CNTNAP2: variants seen among roughly 807,000 people sequenced by gnomAD.
CNTNAP2 encodes contactin associated protein 2.
CNTNAP2 carries 98 observed loss-of-function variants against 155.2 expected under a neutral mutation model. The ratio of observed to expected loss-of-function variants is 0.63; its 90% CI spans 0.54 to 0.75. CNTNAP2 has a LOEUF of 0.75. Ranked by LOEUF, CNTNAP2 falls within the 30% of genes least tolerant of loss-of-function variation. The pLI is 0.00. For synonymous variants in CNTNAP2, 651 were observed against 631.2 expected (o/e 1.03, Z -0.47); for missense variants, 1,727 against 1,688.1 (o/e 1.02, Z -0.40).
At chr7:146,516,614 A>G (rs1797545524) in intron 1 of CNTNAP2, among the ~76,000 whole-genome samples, 1 of 151,924 alleles carries the variant, frequency 6.6e-6, no homozygotes, top group South Asian at 2.1e-4. Context: ...TCTGTAATCT[A>G]TACGACTATT....
chr7:146,465,180 G>C (rs1415096224), intron 1 of CNTNAP2, among the ~76,000 whole-genome samples: 1 of 152,038 alleles, frequency 6.6e-6, no homozygotes, highest in Non-Finnish European at 1.5e-5. Flanking sequence ...GTGTTTTCTA[G>C]TGCAAGATGT....
chr7:147,523,361 A>G (rs1799262662), intron 11 of CNTNAP2, among the ~76,000 whole-genome samples: 2 of 152,224 alleles, frequency 1.3e-5, no homozygotes, highest in Admixed American at 6.5e-5. Flanking sequence ...ACAGTCTTGT[A>G]ATAGTCTAAT....
At chr7:147,669,088 G>A (rs1019699265) in intron 13 of CNTNAP2, among the ~76,000 whole-genome samples, 1 of 152,144 alleles carries the variant, frequency 6.6e-6, no homozygotes, top group Non-Finnish European at 1.5e-5. Context: ...TATAACCTAG[G>A]AGCAATAGGC....
intron 13 of CNTNAP2, among the ~76,000 whole-genome samples, chr7:147,833,260 G>A (rs769433348): frequency 4.0e-5 from 6 of 151,860 alleles, no homozygotes; most frequent in African/African-American, 1.2e-4. Flanking sequence ...AGAAATTAGC[G>A]CCAATCTGGA....
chr7:148,324,508 G>A (rs1797855487), intron 21 of CNTNAP2, among the ~76,000 whole-genome samples: 1 of 152,090 alleles, frequency 6.6e-6, no homozygotes, highest in Non-Finnish European at 1.5e-5. Flanking sequence ...AAGAGAGTAG[G>A]GATCTGAGGT....
At chr7:147,795,944 G>T (rs1797886383) in intron 13 of CNTNAP2, among the ~76,000 whole-genome samples, 1 of 152,020 alleles carries the variant, frequency 6.6e-6, no homozygotes, top group Admixed American at 6.5e-5. Flanking sequence ...TTTGCTTCTT[G>T]CAATAGGCAA....
At chr7:146,628,822 T>A (rs773542459) in intron 1 of CNTNAP2, among the ~76,000 whole-genome samples, 1 of 152,068 alleles carries the variant, frequency 6.6e-6, no homozygotes, top group Non-Finnish European at 1.5e-5. Context: ...AAGAATCATT[T>A]AAGCAGCTAC....
At chr7:146,697,085 G>A (rs1338428629) in intron 1 of CNTNAP2, among the ~76,000 whole-genome samples, 1 of 151,916 alleles carries the variant, frequency 6.6e-6, no homozygotes, top group Non-Finnish European at 1.5e-5. Context: ...CTAATAGAGG[G>A]GTATCATAGT....
At chr7:146,874,233 C>A (rs377605103) in intron 3 of CNTNAP2, among the ~76,000 whole-genome samples, 1 of 151,848 alleles carries the variant, frequency 6.6e-6, no homozygotes, top group South Asian at 2.1e-4. Flanking sequence ...AGTGAATTCA[C>A]CTAGGATAGA....
At chr7:146,552,249 A>C (rs1798133802) in intron 1 of CNTNAP2, among the ~76,000 whole-genome samples, 1 of 152,158 alleles carries the variant, frequency 6.6e-6, no homozygotes. Context: ...TAATAAAGTT[A>C]TTCTTCTGAC....
At chr7:147,221,850 A>T (rs534194897) in intron 8 of CNTNAP2, among the ~76,000 whole-genome samples, 2 of 152,262 alleles carry the variant, frequency 1.3e-5, no homozygotes, top group African/African-American at 4.8e-5. Flanking sequence ...ATAGTTTCAC[A>T]AGGTACAGGA....
intron 8 of CNTNAP2, among the ~76,000 whole-genome samples, chr7:147,182,080 C>T (rs778310790): frequency 5.8e-5 from 8 of 136,894 alleles, no homozygotes; most frequent in Non-Finnish European, 9.2e-5. Context: ...GGCCTGAGAT[C>T]GTGCCACTGC....
intron 21 of CNTNAP2, among the ~76,000 whole-genome samples, chr7:148,363,126 C>T (rs939726775): frequency 2.6e-5 from 4 of 152,192 alleles, no homozygotes; most frequent in Non-Finnish European, 4.4e-5. Context: ...GGATCACAGG[C>T]ATGTGCCACC....
At chr7:147,673,716 T>A (rs1795824010) in intron 13 of CNTNAP2, among the ~76,000 whole-genome samples, 1 of 152,148 alleles carries the variant, frequency 6.6e-6, no homozygotes, top group Non-Finnish European at 1.5e-5. Flanking sequence ...TGGCCAAGAC[T>A]GGAGATGGGG....
intron 9 of CNTNAP2, among the ~76,000 whole-genome samples, chr7:147,344,433 T>A (rs1028998199): frequency 1.4e-5 from 2 of 147,324 alleles, no homozygotes; most frequent in African/African-American, 5.0e-5. Flanking sequence ...GAAAAAAAAA[T>A]GTTTAGAAAA....
chr7:146,721,304 T>TATATAC (rs1801301383), intron 1 of CNTNAP2, among the ~76,000 whole-genome samples: 1 of 105,608 alleles, frequency 9.5e-6, no homozygotes, highest in African/African-American at 4.1e-5. Flanking sequence ...TCTATATATG[T>TATATAC]ATTCTATATA....
intron 1 of CNTNAP2, among the ~76,000 whole-genome samples, chr7:146,742,162 A>C (rs1376704041): frequency 6.6e-6 from 1 of 150,912 alleles, no homozygotes; most frequent in Admixed American, 6.6e-5. Context: ...TTCATGGTTT[A>C]CTGATTGCTT....
intron 8 of CNTNAP2, among the ~76,000 whole-genome samples, chr7:147,278,984 T>C (rs534782629): frequency 6.6e-6 from 1 of 151,598 alleles, no homozygotes; most frequent in South Asian, 2.1e-4. Context: ...CAGAGCATTA[T>C]ACATAGCTTG....
intron 12 of CNTNAP2, among the ~76,000 whole-genome samples, chr7:147,563,431 C>A (rs550344909): frequency 1.9e-4 from 29 of 151,964 alleles, no homozygotes; most frequent in Non-Finnish European, 3.4e-4. Context: ...GAGGTCGAGA[C>A]CATTCTGGCC....
Sources: allele counts gnomAD v4.1 joint callset (sites outside exome capture counted in the v4.1 genomes callset), GRCh38; gene constraint gnomAD v4.1.1; transcripts MANE v1.5; gene names NCBI Gene and HGNC (gene_info 2026-07-23, HGNC 2026-07-21).